DLG2: variants seen among roughly 807,000 people sequenced by gnomAD.
DLG2 encodes the protein disks large homolog 2.
A neutral mutation model predicts 132.5 loss-of-function variants in DLG2; 45 were observed. The ratio of observed to expected loss-of-function variants is 0.34; its 90% CI spans 0.27 to 0.44. The LOEUF (loss-of-function observed/expected upper bound fraction) is 0.44, where lower values mean the gene tolerates loss of function less well. Among genes scored for constraint, DLG2 ranks in the 20% least tolerant of loss-of-function variants. The pLI is 1.00. For missense variants in DLG2, 1,045 were observed against 1,196.9 expected (o/e 0.87, Z 1.87); for synonymous variants, 424 against 419.6 (o/e 1.01, Z -0.13).
chr11:84,669,122 A>T (rs1020052997), intron 6 of DLG2, among the ~76,000 whole-genome samples: 1 of 152,206 alleles, frequency 6.6e-6, no homozygotes, highest in Non-Finnish European at 1.5e-5. Flanking sequence ...CACTAGAGGT[A>T]AGACCTAAGT....
At position 83,809,357 on chromosome 11, in the gene DLG2, T is replaced by C. The variant is rs144531420; in HGVS notation, c.1723-22565A>G. ...ATGCTATCTTAGGCTGTGTTGCTTA[T>C]ACATAATGCTCTGTGACTCTAAGTC... is the stretch of plus-strand genomic sequence containing the variant. On this transcript the variant is annotated intron_variant, in intron 17 of 27. Transcript: ENST00000376104. 3.7e-3 allele frequency among the ~76,000 whole-genome samples: 563 copies of C among 152,310 alleles called. 4 individuals carry two copies. The highest frequency in any genetic ancestry group is 5.2e-3 in the Non-Finnish European group (351 of 68,034).
chr11:83,658,139 C>T (rs1221496144), intron 18 of DLG2, among the ~76,000 whole-genome samples: 1 of 152,174 alleles, frequency 6.6e-6, no homozygotes, highest in African/African-American at 2.4e-5. Flanking sequence ...TAATTTTACT[C>T]CAGCCTCATA....
At chr11:85,282,798 G>A (rs2078314812) in intron 4 of DLG2, among the ~76,000 whole-genome samples, 1 of 151,896 alleles carries the variant, frequency 6.6e-6, no homozygotes, top group Non-Finnish European at 1.5e-5. Context: ...TATGTTCATT[G>A]CAGCACTATT....
intron 10 of DLG2, among the ~76,000 whole-genome samples, chr11:84,066,618 A>C (rs755477955): frequency 2.6e-5 from 4 of 152,052 alleles, no homozygotes; most frequent in Admixed American, 2.6e-4. Flanking sequence ...AAAATTAGCC[A>C]CGCATGGTGG....
intron 8 of DLG2, among the ~76,000 whole-genome samples, chr11:84,176,034 T>C (rs2154275397): frequency 6.6e-6 from 1 of 152,172 alleles, no homozygotes; most frequent in East Asian, 1.9e-4. Flanking sequence ...TTTCATACTA[T>C]TTTCACATAC....
At chr11:83,603,998 G>A (rs1429944163) in intron 19 of DLG2, among the ~76,000 whole-genome samples, 8 of 152,068 alleles carry the variant, frequency 5.3e-5, no homozygotes, top group African/African-American at 1.9e-4. Context: ...TAAACTGCTG[G>A]TATGAGTAGC....
chr11:83,978,446 T>C (rs1420949655), intron 12 of DLG2, among the ~76,000 whole-genome samples: 1 of 152,064 alleles, frequency 6.6e-6, no homozygotes, highest in East Asian at 1.9e-4. Flanking sequence ...AAGACAACAT[T>C]TCAAGCAATA....
At chr11:84,768,006 G>C (rs1463228306) in intron 6 of DLG2, among the ~76,000 whole-genome samples, 2 of 152,132 alleles carry the variant, frequency 1.3e-5, no homozygotes, top group African/African-American at 4.8e-5. Context: ...GAACAATAAA[G>C]AGGAGGACTC....
intron 7 of DLG2, among the ~76,000 whole-genome samples, chr11:84,495,668 T>C (rs2099180605): frequency 1.3e-5 from 2 of 152,200 alleles, no homozygotes; most frequent in Non-Finnish European, 2.9e-5. Context: ...TTCTCTTCTC[T>C]GTGCTTCCAT....
chr11:84,631,019 C>CTCTCTG (rs1491269248), intron 6 of DLG2, among the ~76,000 whole-genome samples: 20 of 76,426 alleles, frequency 2.6e-4, no homozygotes, highest in African/African-American at 9.6e-4. Flanking sequence ...CTCTCTCTCT[C>CTCTCTG]ACACACACAC....
chr11:83,594,849 G>C (rs2057293612), intron 19 of DLG2, among the ~76,000 whole-genome samples: 2 of 152,154 alleles, frequency 1.3e-5, no homozygotes, highest in South Asian at 4.1e-4. Flanking sequence ...TTTAAAGATG[G>C]TCCAGATTTT....
At chr11:84,637,503 A>T (rs2099642788) in intron 6 of DLG2, among the ~76,000 whole-genome samples, 1 of 152,232 alleles carries the variant, frequency 6.6e-6, no homozygotes, top group African/African-American at 2.4e-5. Flanking sequence ...AAAGAACTGA[A>T]TTGAATTGTC....
Position 83,633,304 on chromosome 11 carries a change from T to C in DLG2, c.1847A>G (p.Lys616Arg), listed in dbSNP as rs1361797908. 3 of 1,613,590 alleles carry C rather than the reference T, an allele frequency of 1.9e-6. No individual in the cohort carries two copies. Among genetic ancestry groups the C allele is most frequent in the Admixed American group, 1.7e-5 (1 of 59,944 alleles). ...QPEDYARFEA[K>R]IHDLREQMMN... is the part of the protein sequence containing the mutation. ...CATCTGCTCTCGTAGGTCATGGATTTTGGCCTCAAATCGAGCGTAATCTGG... is the reference window on the plus strand; with the variant it reads ...CATCTGCTCTCGTAGGTCATGGATTCTGGCCTCAAATCGAGCGTAATCTGG... The change falls in exon 19 of 28, where the codon AAA becomes AGA. Residue 616 changes from lysine to arginine, a missense_variant. By Grantham distance (26) the Lys-to-Arg change is conservative. Transcript: ENST00000376104.
intron 18 of DLG2, among the ~76,000 whole-genome samples, chr11:83,720,462 G>A (rs2088191242): frequency 6.6e-6 from 1 of 151,836 alleles, no homozygotes; most frequent in South Asian, 2.1e-4. Context: ...AAAAGCCCAG[G>A]GAAATAATAA....
rs139796024 is a variant in DLG2 at position 84,095,015 on chromosome 11, C to A, written c.749+3908G>T. ...TAGAAGTACAGAACCGTTTTTTGCACCATACCTATTTTTTAAAAATGGTCT... is the reference window on the plus strand; with the variant it reads ...TAGAAGTACAGAACCGTTTTTTGCAACATACCTATTTTTTAAAAATGGTCT... On this transcript the variant is annotated intron_variant, in intron 10 of 27. Coordinates refer to ENST00000376104, the MANE Select transcript of DLG2 (RefSeq NM_001142699.3). Among the ~76,000 whole-genome samples the A allele has an allele frequency of 9.1e-3, 1,378 of 151,380 alleles. 9 individuals are homozygous for A. The highest frequency in any genetic ancestry group is 0.016 in the Non-Finnish European group (1,072 of 67,868).
chr11:84,133,401 T>C (rs1226890775), intron 9 of DLG2, among the ~76,000 whole-genome samples: 1 of 152,022 alleles, frequency 6.6e-6, no homozygotes, highest in Non-Finnish European at 1.5e-5. Context: ...AAGTATCATC[T>C]CAAAATGGCC....
chr11:83,923,637 C>G (rs1380911088), intron 15 of DLG2, among the ~76,000 whole-genome samples: 1 of 152,128 alleles, frequency 6.6e-6, no homozygotes, highest in Non-Finnish European at 1.5e-5. Context: ...GTAAATATCC[C>G]AAGCCAGAAA....
At chr11:85,053,773 G>T (rs548281905) in intron 6 of DLG2, among the ~76,000 whole-genome samples, 4 of 144,584 alleles carry the variant, frequency 2.8e-5, no homozygotes, top group African/African-American at 1.0e-4. Context: ...CTCCAGCCTG[G>T]GCGACAGAGC....
intron 6 of DLG2, among the ~76,000 whole-genome samples, chr11:84,829,152 T>C (rs2078705332): frequency 6.6e-6 from 1 of 151,696 alleles, no homozygotes; most frequent in South Asian, 2.1e-4. Context: ...ATTATTGTAA[T>C]TCCCAAATAA....
Sources: gnomAD v4.1 joint callset for allele counts (sites outside exome capture counted in the v4.1 genomes callset) on GRCh38, gnomAD v4.1.1 for gene constraint, MANE v1.5 for transcripts, NCBI Gene and HGNC (gene_info 2026-07-23, HGNC 2026-07-21) for gene names.